The following SYTL3 variants were observed in gnomAD, a reference collection of about 807,000 sequenced individuals.
SYTL3 encodes synaptotagmin like 3.
In SYTL3, 88 loss-of-function variants were observed where a neutral mutation model predicts 82.1. The ratio of observed to expected loss-of-function variants is 1.07; its 90% confidence interval spans 0.90 to 1.28. The LOEUF (loss-of-function observed/expected upper bound fraction) is 1.28. Ranked by LOEUF, SYTL3 falls within the 50% of genes most tolerant of loss-of-function variation. The pLI is 0.00. For synonymous variants in SYTL3, 311 were observed against 289.4 expected, an observed-to-expected ratio of 1.07 and a Z score of -0.76; for missense variants, 831 against 757.6, an observed-to-expected ratio of 1.10 and a Z score of -1.14.
At chr6:158,756,719 A>T (rs3127154) in intron 13 of SYTL3, among the ~76,000 whole-genome samples, 9,117 of 48,728 alleles carry the variant, frequency 0.19, 1,402 homozygotes, top group Non-Finnish European at 0.21. Flanking sequence ...TCAAAAAAAA[A>T]TTTTTTTTTT....
intron 5 of SYTL3, among the ~76,000 whole-genome samples, chr6:158,667,443 C>A (rs988002510): frequency 2.0e-5 from 3 of 152,208 alleles, no homozygotes; most frequent in African/African-American, 7.2e-5. Context: ...TGTGCATTTT[C>A]TTTCCCCTCG....
intron 2 of SYTL3, among the ~76,000 whole-genome samples, chr6:158,658,376 GA>G (rs1012918203): frequency 6.6e-6 from 1 of 152,166 alleles, no homozygotes. Context: ...CATTCCTAAA[GA>G]TGGGGGTATG....
At chr6:158,757,038 A>G (rs1237755987) in intron 13 of SYTL3, among the ~76,000 whole-genome samples, 173 bp from the exon 14 acceptor site, 1 of 118,600 alleles carries the variant, frequency 8.4e-6, no homozygotes, top group Non-Finnish European at 1.7e-5. Flanking sequence ...ACCTTGACCC[A>G]CCCTAACCAC....
intron 11 of SYTL3, among the ~76,000 whole-genome samples, chr6:158,741,710 A>G (rs1786949544): frequency 6.6e-6 from 1 of 152,140 alleles, no homozygotes; most frequent in South Asian, 2.1e-4. Context: ...AATCTGATTG[A>G]GAAATGGTTT....
intron 8 of SYTL3, among the ~76,000 whole-genome samples, chr6:158,712,459 A>G (rs376308993): frequency 1.3e-5 from 2 of 152,144 alleles, no homozygotes; most frequent in Non-Finnish European, 2.9e-5. Flanking sequence ...CCCCTTGTCA[A>G]CCTGTACCCA....
At chr6:158,761,301 CTTT>C (rs11463987) in intron 15 of SYTL3, among the ~76,000 whole-genome samples, 2 of 93,884 alleles carry the variant, frequency 2.1e-5, no homozygotes, top group Non-Finnish European at 4.2e-5. Flanking sequence ...ATGCACATTT[CTTT>C]TTTTTTTTTT....
In SYTL3 at chr6:158,690,489, G is replaced by A. The variant is rs1779744463; in HGVS notation, c.394+7500G>A. 2.6e-5 allele frequency among the ~76,000 whole-genome samples: 4 copies of A among 151,964 alleles called. No individual in the cohort carries two copies. The South Asian group carries it at 8.3e-4, about 32-fold the overall frequency. On this transcript the variant is annotated intron_variant, in intron 6 of 17. Coordinates refer to ENST00000611299, the MANE Select transcript of SYTL3 (RefSeq NM_001242394.2). ...TATTTCTCTTTTGATGATCTTATTG[G>A]ATATGTGCAATTTAAGATAAAATGC...
chr6:158,656,917 G>T (rs1788746415), intron 2 of SYTL3, among the ~76,000 whole-genome samples: 1 of 152,164 alleles, frequency 6.6e-6, no homozygotes. Flanking sequence ...GCATTCAAGA[G>T]AGAATTACAT....
chr6:158,731,667 C>T (rs921834602), intron 11 of SYTL3, among the ~76,000 whole-genome samples: 3 of 152,184 alleles, frequency 2.0e-5, no homozygotes, highest in African/African-American at 7.2e-5. Flanking sequence ...AATCTCAGCT[C>T]ACTGCAAGTT....
intron 11 of SYTL3, among the ~76,000 whole-genome samples, chr6:158,737,671 C>T (rs1251644711): frequency 6.6e-6 from 1 of 152,218 alleles, no homozygotes; most frequent in Non-Finnish European, 1.5e-5. Flanking sequence ...CTGCATTCAA[C>T]TTGTAACCTG....
chr6:158,651,356 G>C (rs917915650), intron 1 of SYTL3, among the ~76,000 whole-genome samples: 4 of 152,096 alleles, frequency 2.6e-5, no homozygotes, highest in Non-Finnish European at 4.4e-5. Context: ...ACTTTGGGAG[G>C]CCTAGGCGGA....
Position 158,725,810 on chromosome 6 carries a change from G to A in SYTL3, c.855+173G>A, listed in dbSNP as rs565661539. On this transcript the variant is annotated intron_variant, in intron 11 of 17. Coordinates refer to ENST00000611299, the MANE Select transcript of SYTL3 (RefSeq NM_001242394.2). ...TCCTTAAAGGCTTCCACAGGTTTTA[G>A]TAAAGTTGCGTTATCCTCAGGCCTG... 2.5e-4 allele frequency: 227 copies of A among 900,294 alleles called. No individual in the cohort carries two copies. The African/African-American group carries it at 3.7e-3, about 15-fold the overall frequency. The allele number at this position is 900,294 out of a possible 1,614,324, so 55.8% of individuals were successfully genotyped here. A position where few individuals can be genotyped will look rare whatever the true frequency, so the allele number is the denominator to read the frequency against.
In SYTL3 at chr6:158,714,620, C is replaced by T. The variant is rs531708579; in HGVS notation, c.595+742C>T. Among the ~76,000 whole-genome samples, 4 of 152,314 alleles carry T rather than the reference C, an allele frequency of 2.6e-5. No homozygotes were observed. The East Asian group carries it at 7.7e-4, about 29-fold the overall frequency. Reference sequence around the variant, plus strand: ...TTTTTTCTCTGTTTATCTTAAAATTCAAGTCCCAGAGGACAGACTCCTTTT... The same window carrying T: ...TTTTTTCTCTGTTTATCTTAAAATTTAAGTCCCAGAGGACAGACTCCTTTT... On this transcript the variant is annotated intron_variant, in intron 9 of 17. Transcript: ENST00000611299.
intron 16 of SYTL3, among the ~76,000 whole-genome samples, chr6:158,762,790 A>G (rs1790152250): frequency 6.6e-6 from 1 of 152,108 alleles, no homozygotes; most frequent in Non-Finnish European, 1.5e-5. Context: ...GGTGGCGGGC[A>G]CCTATAATCC....
intron 10 of SYTL3, among the ~76,000 whole-genome samples, chr6:158,725,300 G>C (rs564054304): frequency 1.6e-4 from 25 of 152,180 alleles, no homozygotes; most frequent in Non-Finnish European, 2.5e-4. Context: ...CTGTGTGCTC[G>C]CATGCGCGTG....
At chr6:158,651,676 A>G (rs1197217135) in intron 1 of SYTL3, 77 bp from the exon 2 acceptor site, 1 of 151,948 alleles carries the variant, frequency 6.6e-6, no homozygotes, top group Non-Finnish European at 1.5e-5. Context: ...TATGAATGCC[A>G]TGGCTTCCTA....
chr6:158,726,579 C>T, intron 11 of SYTL3: 1 of 215,900 alleles, frequency 4.6e-6, no homozygotes, highest in Non-Finnish European at 1.0e-5. Context: ...GTAAGGGCCA[C>T]TGAAGAACTG....
intron 6 of SYTL3, among the ~76,000 whole-genome samples, chr6:158,693,681 C>CCTTTCTTTCTTTTCGTTTTCTTTCTTT (rs1562383738): frequency 6.9e-6 from 1 of 145,248 alleles, no homozygotes; most frequent in Admixed American, 6.8e-5. Flanking sequence ...CTGAATCCAG[C>CCTTTCTTTCTTTTCGTTTTCTTTCTTT]CTTTCTTTCT....
At chr6:158,686,157 G>A (rs1157963894) in intron 6 of SYTL3, among the ~76,000 whole-genome samples, 1 of 152,180 alleles carries the variant, frequency 6.6e-6, no homozygotes, top group Non-Finnish European at 1.5e-5. Context: ...TGTTATCAAG[G>A]TGACTTAAGA....
Sources: allele counts gnomAD v4.1 joint callset (sites outside exome capture counted in the v4.1 genomes callset), GRCh38; gene constraint gnomAD v4.1.1; transcripts MANE v1.5; gene names NCBI Gene and HGNC (gene_info 2026-07-23, HGNC 2026-07-21).